The following NALF1 variants were observed in gnomAD, a reference collection of about 807,000 sequenced individuals.
NALF1 encodes family with sequence similarity 155 member A.
Under a neutral mutation model 48.4 loss-of-function variants are expected in NALF1, and 3 were observed. The ratio of observed to expected loss-of-function variants is 0.06; its 90% confidence interval spans 0.03 to 0.16. NALF1 has a LOEUF of 0.16. Among genes scored for constraint, NALF1 ranks in the 10% least tolerant of loss-of-function variants. The probability of loss-of-function intolerance (pLI) is 1.00; values close to 1 mark genes in which losing one functional copy is unlikely to be tolerated. For missense variants in NALF1, 526 were observed against 571.5 expected, an observed-to-expected ratio of 0.92 and a Z score of 0.81; for synonymous variants, 262 against 245.7, an observed-to-expected ratio of 1.07 and a Z score of -0.62.
intron 1 of NALF1, among the ~76,000 whole-genome samples, chr13:107,773,292 G>A (rs9514737): frequency 0.081 from 12,322 of 152,164 alleles, 630 homozygotes; most frequent in East Asian, 0.17. Flanking sequence ...TAGCAAATGT[G>A]AAACTATCTT....
chr13:107,504,556 T>TA (rs1034623250), intron 1 of NALF1, among the ~76,000 whole-genome samples: 88 of 152,200 alleles, frequency 5.8e-4, no homozygotes, highest in African/African-American at 2.1e-3. Flanking sequence ...TAAAATTTAT[T>TA]AAAAACTCAA....
chr13:107,307,502 C>T (rs747470836), intron 1 of NALF1, among the ~76,000 whole-genome samples: 2 of 149,256 alleles, frequency 1.3e-5, no homozygotes, highest in Non-Finnish European at 3.0e-5. Context: ...TTTTTTGAGA[C>T]CGAGTCTCGC....
At chr13:107,589,732 T>C (rs1032164558) in intron 1 of NALF1, among the ~76,000 whole-genome samples, 1 of 152,054 alleles carries the variant, frequency 6.6e-6, no homozygotes, top group African/African-American at 2.4e-5. Context: ...ACATGTATAA[T>C]TGAATATTGA....
At chr13:107,302,729 A>C (rs1881861022) in intron 1 of NALF1, among the ~76,000 whole-genome samples, 2 of 152,258 alleles carry the variant, frequency 1.3e-5, no homozygotes, top group Admixed American at 1.3e-4. Flanking sequence ...GATCAAGGTG[A>C]TCCTCCCCAG....
chr13:107,580,967 G>C (rs1272802427), intron 1 of NALF1, among the ~76,000 whole-genome samples: 1 of 152,128 alleles, frequency 6.6e-6, no homozygotes, highest in Non-Finnish European at 1.5e-5. Context: ...CAGGAGCCAA[G>C]AAAGGCTTTA....
intron 1 of NALF1, among the ~76,000 whole-genome samples, chr13:107,349,998 A>G (rs1177406889): frequency 6.6e-6 from 1 of 152,064 alleles, no homozygotes; most frequent in Non-Finnish European, 1.5e-5. Context: ...TCTCATAAGG[A>G]CCCTACGACC....
intron 1 of NALF1, among the ~76,000 whole-genome samples, chr13:107,859,847 G>A (rs566668681): frequency 6.7e-6 from 1 of 150,108 alleles, no homozygotes; most frequent in South Asian, 2.1e-4. Context: ...CTCAGGAGGA[G>A]GAGGTTGCAG....
intron 1 of NALF1, among the ~76,000 whole-genome samples, chr13:107,397,695 A>C (rs1227374536): frequency 1.3e-5 from 2 of 151,804 alleles, no homozygotes; most frequent in African/African-American, 4.8e-5. Context: ...TTTGCTCCAC[A>C]TTTGTCAAGT....
chr13:107,855,643 T>G (rs1453800363), intron 1 of NALF1, among the ~76,000 whole-genome samples: 2 of 152,180 alleles, frequency 1.3e-5, no homozygotes, highest in African/African-American at 4.8e-5. Flanking sequence ...GGGCAAAGAC[T>G]TGCGGCACAG....
intron 1 of NALF1, among the ~76,000 whole-genome samples, chr13:107,437,233 G>A (rs955827404): frequency 5.9e-5 from 9 of 151,994 alleles, no homozygotes; most frequent in Non-Finnish European, 8.8e-5. Flanking sequence ...AAACAAAAAC[G>A]AATACCACCA....
intron 1 of NALF1, among the ~76,000 whole-genome samples, chr13:107,364,051 T>A (rs754735306): frequency 6.6e-6 from 1 of 152,244 alleles, no homozygotes; most frequent in Admixed American, 6.5e-5. Context: ...GAAAAGTACT[T>A]ATGTTTTTAG....
At chr13:107,562,583 G>A (rs910076088) in intron 1 of NALF1, among the ~76,000 whole-genome samples, 4 of 152,202 alleles carry the variant, frequency 2.6e-5, no homozygotes, top group African/African-American at 4.8e-5. Context: ...AAATGCTGTG[G>A]ATGGATGTGG....
At chr13:107,451,244 G>C (rs1020691699) in intron 1 of NALF1, among the ~76,000 whole-genome samples, 2 of 152,152 alleles carry the variant, frequency 1.3e-5, no homozygotes, top group East Asian at 3.9e-4. Context: ...AGAAAGACCC[G>C]CCAGTAAGAT....
intron 1 of NALF1, among the ~76,000 whole-genome samples, chr13:107,365,668 AG>A (rs1400080001): frequency 6.6e-6 from 1 of 152,238 alleles, no homozygotes; most frequent in Non-Finnish European, 1.5e-5. Context: ...ACTAATAAGT[AG>A]TATCCCTGTA....
At chr13:107,208,506 T>C (rs1218690141) in intron 2 of NALF1, among the ~76,000 whole-genome samples, 1 of 152,220 alleles carries the variant, frequency 6.6e-6, no homozygotes, top group Non-Finnish European at 1.5e-5. Flanking sequence ...CAAATACAGA[T>C]ACATGTAGGA....
chr13:107,707,548 C>G (rs182493211), intron 1 of NALF1, among the ~76,000 whole-genome samples: 3 of 152,298 alleles, frequency 2.0e-5, no homozygotes, highest in African/African-American at 7.2e-5. Context: ...CTCTGCCAAC[C>G]ACAAGCACCG....
At chr13:107,508,406 A>G (rs1486547185) in intron 1 of NALF1, among the ~76,000 whole-genome samples, 2 of 151,288 alleles carry the variant, frequency 1.3e-5, no homozygotes, top group African/African-American at 4.8e-5. Context: ...TATATATAAC[A>G]GTAATATATA....
intron 1 of NALF1, among the ~76,000 whole-genome samples, chr13:107,576,300 T>C (rs1411777154): frequency 6.6e-6 from 1 of 152,174 alleles, no homozygotes; most frequent in Admixed American, 6.5e-5. Flanking sequence ...CATCCTTCCT[T>C]CCCAGCTTTA....
chr13:107,225,859 T>C (rs955854730), intron 1 of NALF1, among the ~76,000 whole-genome samples: 2 of 152,062 alleles, frequency 1.3e-5, no homozygotes, highest in Non-Finnish European at 2.9e-5. Flanking sequence ...ACAGACGCAC[T>C]TTCCATACAT....
Sources: allele counts gnomAD v4.1 joint callset (sites outside exome capture counted in the v4.1 genomes callset), GRCh38; gene constraint gnomAD v4.1.1; transcripts MANE v1.5; gene names NCBI Gene and HGNC (gene_info 2026-07-23, HGNC 2026-07-21).